Variants in DRC3 observed in about 807,000 individuals in gnomAD.
The protein encoded by DRC3 is leucine rich repeat containing 48.
A neutral mutation model predicts 57.6 loss-of-function variants in DRC3; 45 were observed. The ratio of observed to expected loss-of-function variants is 0.78; its 90% CI spans 0.62 to 1.00. The LOEUF (loss-of-function observed/expected upper bound fraction) is 1.00. Among genes scored for constraint, DRC3 ranks in the 50% least tolerant of loss-of-function variants. DRC3 has a pLI of 0.00. For missense variants in DRC3, 655 were observed against 675.2 expected (o/e 0.97, Z 0.33); for synonymous variants, 257 against 272.3 (o/e 0.94, Z 0.55).
intron 5 of DRC3, 61 bp downstream of exon 5, chr17:17,988,159 G>A: frequency 6.5e-7 from 1 of 1,535,934 alleles, no homozygotes; most frequent in Non-Finnish European, 8.8e-7. Context: ...GCCGTGGGTT[G>A]AGTGGGGGTC....
chr17:17,988,273 C>A, intron 5 of DRC3, 175 bp downstream of exon 5: 1 of 656,878 alleles, frequency 1.5e-6, no homozygotes, highest in Non-Finnish European at 2.4e-6. Flanking sequence ...GTTTAAATAC[C>A]ATGCTTACCC....
rs1453348184 is a variant in DRC3, at chr17:17,995,001, T to C, written c.714T>C (p.Thr238=). ...CCTACGTGTGTTTCTGCCTGCAGACTGCGTTTGTGGAACACCTGAATGGCT... is the reference window on the plus strand; with the variant it reads ...CCTACGTGTGTTTCTGCCTGCAGACCGCGTTTGTGGAACACCTGAATGGCT... ...AQREELEKHK[T]AFVEHLNGSF... The change falls in exon 8 of 14, where the codon ACT becomes ACC. Residue 238 remains threonine, a splice_region_variant and synonymous_variant. Coordinates refer to ENST00000399187, the MANE Select transcript of DRC3 (RefSeq NM_031294.4). 1 of 1,613,564 alleles carries C rather than the reference T, an allele frequency of 6.2e-7. No individual in the cohort carries two copies.
intron 9 of DRC3, among the ~76,000 whole-genome samples, chr17:18,002,401 T>C (rs964521963): frequency 6.6e-6 from 1 of 152,156 alleles, no homozygotes; most frequent in Non-Finnish European, 1.5e-5. Flanking sequence ...CAAAATCACA[T>C]CTGGTGTTGG....
chr17:18,012,111 T>C (rs1191259869), intron 12 of DRC3, among the ~76,000 whole-genome samples: 1 of 152,106 alleles, frequency 6.6e-6, no homozygotes, highest in Non-Finnish European at 1.5e-5. Context: ...GGTTTTTATA[T>C]AAGAAAAATA....
chr17:18,016,641 C>G lies in DRC3; in HGVS notation c.1542C>G (p.Asp514Glu). Residue 514 changes from aspartate (D) to glutamate (E), a missense_variant, in exon 14 of 14, where the codon GAC becomes GAG. Asp to Glu is a conservative substitution (Grantham distance 45). Coordinates refer to ENST00000399187, the MANE Select transcript of DRC3 (RefSeq NM_031294.4). ...QYIDHMQSEL[D>E]NLECGDILD ...TCGACCACATGCAGAGCGAACTGGA[C>G]AACCTGGAATGTGGCGACATCCTAG... is the stretch of plus-strand genomic sequence containing the variant. 1 of 1,613,496 alleles carries G rather than the reference C, an allele frequency of 6.2e-7. No homozygotes were observed.
intron 5 of DRC3, among the ~76,000 whole-genome samples, chr17:17,989,773 G>A (rs1366351817): frequency 6.6e-6 from 1 of 152,226 alleles, no homozygotes; most frequent in South Asian, 2.1e-4. Context: ...ACCCCAGGGG[G>A]ATTAACTTTC....
In DRC3 at chr17:17,997,540, T is replaced by C; in HGVS notation, c.905T>C (p.Leu302Pro). Reference protein sequence around the residue: ...LKQQEKRKTELDTFSECVREA... With the variant: ...LKQQEKRKTEPDTFSECVREA... ...CAGCAGGAGAAGCGGAAAACAGAGC[T>C]TGACACCTTCAGTGAATGTGTCCGT... Residue 302 changes from leucine (L) to proline (P), a missense_variant, in exon 9 of 14, where the codon CTT (leucine) becomes CCT (proline). Transcript: ENST00000399187. 6.2e-7 allele frequency: 1 copy of C among 1,611,072 alleles called. No individual in the cohort carries two copies. The highest frequency in any genetic ancestry group is 8.5e-7 in the Non-Finnish European group (1 of 1,178,780).
rs746958523 is a variant in DRC3 at position 17,977,662 on chromosome 17, G to C, written c.64G>C (p.Val22Leu). Reference sequence around the variant, plus strand: ...GGACGATGACATGCTCAAGCTGGCCGTCGGGGACCAGGGCCCCCAGGAGGA... The same window carrying C: ...GGACGATGACATGCTCAAGCTGGCCCTCGGGGACCAGGGCCCCCAGGAGGA... ...VMDDDMLKLA[V>L]GDQGPQEEAG... Residue 22 changes from valine to leucine, a missense_variant, in exon 3 of 14, where the codon GTC (valine) becomes CTC (leucine). Coordinates refer to ENST00000399187, the MANE Select transcript of DRC3 (RefSeq NM_031294.4). 1.9e-6 allele frequency: 3 copies of C among 1,613,964 alleles called. No homozygotes were observed. In the African/African-American group the frequency reaches 4.0e-5, roughly 22 times the overall value.
chr17:17,976,487 C>G (rs1033265266), intron 2 of DRC3, among the ~76,000 whole-genome samples: 18 of 152,178 alleles, frequency 1.2e-4, no homozygotes, highest in Non-Finnish European at 2.6e-4. Context: ...TGAGACCAGC[C>G]TGGCCAACAT....
At chr17:17,988,234 C>T (rs2043054745) in intron 5 of DRC3, 136 bp downstream of exon 5, 1 of 926,190 alleles carries the variant, frequency 1.1e-6, no homozygotes. Flanking sequence ...AGCCAGGAAT[C>T]TGGATTACTC....
intron 12 of DRC3, 129 bp downstream of exon 12, chr17:18,007,276 C>T (rs1041495236): frequency 2.5e-5 from 27 of 1,085,086 alleles, no homozygotes; most frequent in Non-Finnish European, 3.7e-5. Context: ...AAAGGGCACA[C>T]TAACCTGCTT....
chr17:17,998,379 A>G (rs1403603225), intron 9 of DRC3, among the ~76,000 whole-genome samples: 24 of 152,222 alleles, frequency 1.6e-4, no homozygotes, highest in Admixed American at 1.6e-3. Context: ...AAGGGCACCA[A>G]TCTTTGTATT....
At chr17:17,979,321 G>T (rs964856996) in intron 3 of DRC3, among the ~76,000 whole-genome samples, 1 of 152,182 alleles carries the variant, frequency 6.6e-6, no homozygotes, top group South Asian at 2.1e-4. Context: ...TGGGGACCCC[G>T]GGAGGGTCCT....
At chr17:18,016,264 GGT>G in intron 13 of DRC3, 69 bp downstream of exon 13, 1 of 1,504,338 alleles carries the variant, frequency 6.6e-7, no homozygotes, top group South Asian at 1.2e-5. Flanking sequence ...ATCCTCCCTA[GGT>G]AGTGGATAGA....
intron 8 of DRC3, 30 bp downstream of exon 8, chr17:17,995,141 A>G: frequency 2.0e-6 from 3 of 1,538,414 alleles, no homozygotes; most frequent in Non-Finnish European, 2.7e-6. Context: ...GCTGTCTCAG[A>G]GCCTCTGCCA....
intron 12 of DRC3, among the ~76,000 whole-genome samples, chr17:18,013,564 C>T (rs2044243555): frequency 6.6e-6 from 1 of 152,190 alleles, no homozygotes. Flanking sequence ...CTCATGTTCT[C>T]ACTCATATGC....
At chr17:17,990,258 A>G (rs2043165910) in intron 5 of DRC3, among the ~76,000 whole-genome samples, 1 of 152,170 alleles carries the variant, frequency 6.6e-6, no homozygotes, top group Non-Finnish European at 1.5e-5. Context: ...GGAAGCACCG[A>G]GTTGTCACTA....
chr17:18,010,669 G>A (rs1206190003), intron 12 of DRC3: 1 of 174,508 alleles, frequency 5.7e-6, no homozygotes, highest in African/African-American at 2.4e-5. Flanking sequence ...ATGGCAGCAG[G>A]AGGGCCCAGA....
In DRC3 at chr17:18,016,809, C is replaced by T; in HGVS notation, c.*138C>T. 1 of 514,438 alleles carries T rather than the reference C, an allele frequency of 1.9e-6. No individual in the cohort carries two copies. The highest frequency in any genetic ancestry group is 3.4e-6 in the Non-Finnish European group (1 of 290,084). 31.9% of individuals were successfully genotyped at this position (514,438 alleles called of 1,614,324 possible). A position where few individuals can be genotyped will look rare whatever the true frequency, so the allele number is the denominator to read the frequency against. Reference sequence around the variant, plus strand: ...GCGATCCCCAACACCATTCTTCCCCCACCCCTGGAAAAACTTCCAAAAGTA... The same window carrying T: ...GCGATCCCCAACACCATTCTTCCCCTACCCCTGGAAAAACTTCCAAAAGTA... On this transcript the variant is annotated 3_prime_UTR_variant, in exon 14 of 14. Coordinates refer to ENST00000399187, the MANE Select transcript of DRC3 (RefSeq NM_031294.4).
Sources: allele counts gnomAD v4.1 joint callset (sites outside exome capture counted in the v4.1 genomes callset), GRCh38; gene constraint gnomAD v4.1.1; transcripts MANE v1.5; gene names NCBI Gene and HGNC (gene_info 2026-07-23, HGNC 2026-07-21).